Variants in ZSWIM2 observed in about 807,000 individuals in gnomAD.
ZSWIM2 encodes zinc finger SWIM-type containing 2.
A neutral mutation model predicts 48.4 loss-of-function variants in ZSWIM2; 38 were observed. That is an observed-to-expected ratio of 0.79 (90% CI 0.61 to 1.03). The LOEUF (loss-of-function observed/expected upper bound fraction) is 1.03, where lower values mean the gene tolerates loss of function less well. ZSWIM2 is among the 50% of genes least tolerant of loss of function. The pLI is 0.00. For missense variants in ZSWIM2, 776 were observed against 730.2 expected, an observed-to-expected ratio of 1.06 and a Z score of -0.72; for synonymous variants, 240 against 251.3, an observed-to-expected ratio of 0.96 and a Z score of 0.42.
At chr2:186,833,061 T>C (rs1457978372) in intron 7 of ZSWIM2, 59 bp downstream of exon 7, 1 of 711,258 alleles carries the variant, frequency 1.4e-6, no homozygotes, top group Non-Finnish European at 2.2e-6. Context: ...TTATTCAAAT[T>C]GAGAAGTTAT....
At chr2:186,840,047 C>T (rs1691876486) in intron 3 of ZSWIM2, among the ~76,000 whole-genome samples, 1 of 160 alleles carries the variant, frequency 6.3e-3, no homozygotes, top group South Asian at 0.5. Flanking sequence ...CTGGAAAGAC[C>T]CCCCCCAACT....
chr2:186,828,277 A>T lies in ZSWIM2; in HGVS notation c.1609T>A (p.Phe537Ile). 3 of 1,613,652 alleles carry T rather than the reference A, an allele frequency of 1.9e-6. No homozygotes were observed. Among genetic ancestry groups the T allele is most frequent in the Non-Finnish European group, 2.5e-6 (3 of 1,179,818 alleles). The change falls in exon 9 of 9, where the codon TTT (phenylalanine) becomes ATT (isoleucine). Residue 537 changes from phenylalanine to isoleucine, a missense_variant. By Grantham distance (21) the Phe-to-Ile change is conservative (BLOSUM62 0). Transcript: ENST00000295131. The stretch of plus-strand genomic sequence containing the variant: ...GTCATCCGGCTTAGACTAGTGTGAA[A>T]TTTTCCACTGATGCATGGACTTTCC... ...AMESPCISGK[F>I]HTSLSRMTKG...
At chr2:186,836,537 A>T (rs1290091265) in intron 5 of ZSWIM2, among the ~76,000 whole-genome samples, 1 of 152,054 alleles carries the variant, frequency 6.6e-6, no homozygotes, top group African/African-American at 2.4e-5. Flanking sequence ...ACAGAGTTTT[A>T]ATATATATAT....
chr2:186,848,943 G>A (rs752428058), intron 1 of ZSWIM2, 23 bp downstream of exon 1: 5 of 1,613,272 alleles, frequency 3.1e-6, no homozygotes, highest in Admixed American at 1.7e-5. Context: ...TGGCCAACTG[G>A]GGGCGGTAGG....
At chr2:186,840,972 C>T (rs1422161800) in intron 3 of ZSWIM2, among the ~76,000 whole-genome samples, 1 of 151,308 alleles carries the variant, frequency 6.6e-6, no homozygotes, top group Admixed American at 6.6e-5. Flanking sequence ...AAATAGTAAA[C>T]AAGGCAGTGG....
At chr2:186,833,269 C>A in intron 6 of ZSWIM2, 37 bp from the exon 7 acceptor site, 1 of 1,034,596 alleles carries the variant, frequency 9.7e-7, no homozygotes, top group Admixed American at 3.0e-5. Context: ...TTTGCAAAGT[C>A]GTGGATATTT....
At chr2:186,831,921 G>A (rs1476535784) in intron 7 of ZSWIM2, among the ~76,000 whole-genome samples, 1 of 151,948 alleles carries the variant, frequency 6.6e-6, no homozygotes, top group East Asian at 1.9e-4. Context: ...TATACCTAAT[G>A]CTAAATGACG....
chr2:186,841,197 T>C (rs1378932063), intron 3 of ZSWIM2, among the ~76,000 whole-genome samples: 1 of 151,528 alleles, frequency 6.6e-6, no homozygotes, highest in Non-Finnish European at 1.5e-5. Flanking sequence ...ATTTTCTTAT[T>C]TAACTTACCA....
chr2:186,846,242 G>C (rs1433925415), intron 2 of ZSWIM2, among the ~76,000 whole-genome samples: 1 of 151,900 alleles, frequency 6.6e-6, no homozygotes, highest in Non-Finnish European at 1.5e-5. Flanking sequence ...ATTTGACAAA[G>C]AGCTAACATC....
At chr2:186,842,917 C>G (rs1340039771) in intron 3 of ZSWIM2, among the ~76,000 whole-genome samples, 1 of 151,368 alleles carries the variant, frequency 6.6e-6, no homozygotes, top group Non-Finnish European at 1.5e-5. Context: ...ATATACAGAT[C>G]AAATATTTCC....
At chr2:186,839,950 G>A (rs1461171577) in intron 3 of ZSWIM2, among the ~76,000 whole-genome samples, 6 of 151,162 alleles carry the variant, frequency 4.0e-5, no homozygotes, top group East Asian at 3.9e-4. Flanking sequence ...AGTTGTTATC[G>A]GTCCCCTGCC....
chr2:186,842,842 T>G (rs1005986226), intron 3 of ZSWIM2, among the ~76,000 whole-genome samples: 1 of 151,452 alleles, frequency 6.6e-6, no homozygotes, highest in Non-Finnish European at 1.5e-5. Flanking sequence ...TACAGAAAAA[T>G]GTATAAGTAT....
Position 186,829,703 on chromosome 2 carries a change from A to G in ZSWIM2, c.1095+24T>C, listed in dbSNP as rs201481676. The G allele has an allele frequency of 3.4e-5, 55 of 1,598,302 alleles. No individual in the cohort carries two copies. The Admixed American group carries it at 4.2e-4, about 12-fold the overall frequency. On this transcript the variant is annotated intron_variant, in intron 8 of 8. Coordinates refer to ENST00000295131, the MANE Select transcript of ZSWIM2 (RefSeq NM_182521.3). The stretch of plus-strand genomic sequence containing the variant: ...GAAAACTGACCCTACAGGGAAAGTA[A>G]AACTAAAATGATGTGACTTTTACCT...
intron 3 of ZSWIM2, among the ~76,000 whole-genome samples, chr2:186,842,132 T>C (rs1691914649): frequency 4.0e-5 from 6 of 151,296 alleles, no homozygotes. Context: ...AGATTCCTTT[T>C]AGAAAAGAAT....
chr2:186,828,603 C>T lies in ZSWIM2; in HGVS notation c.1283G>A (p.Gly428Asp). The T allele has an allele frequency of 1.9e-6, 3 of 1,612,554 alleles. No homozygotes were observed. The South Asian group carries it at 3.3e-5, about 18-fold the overall frequency. The change falls in exon 9 of 9, where the codon GGT becomes GAT. Residue 428 changes from glycine to aspartate, a missense_variant. Gly to Asp is a moderately conservative substitution (Grantham distance 94). Transcript: ENST00000295131. ...KQKEPDLFIP[G>D]TGLVLKQNRL... ...ATTTTGTTTTAAGACTAATCCAGTA[C>T]CAGGAATAAAAAGATCTGGTTCTTT...
In ZSWIM2 at chr2:186,827,937, CA is replaced by C. The variant is rs1289418663; in HGVS notation, c.*46del. Reference sequence around the variant, plus strand: ...TGTGCTTTTTATGTTCTATATAAAACATTTTTTTATATTCAACATTCAAATA... The same window carrying C: ...TGTGCTTTTTATGTTCTATATAAAACTTTTTTTATATTCAACATTCAAATA... On this transcript the variant is annotated 3_prime_UTR_variant, in exon 9 of 9. Coordinates refer to ENST00000295131, the MANE Select transcript of ZSWIM2 (RefSeq NM_182521.3). 5.0e-6 allele frequency: 7 copies of C among 1,405,114 alleles called. No individual in the cohort carries two copies. The highest frequency in any genetic ancestry group is 1.5e-5 in the African/African-American group (1 of 68,552). The allele number at this position is 1,405,114 out of a possible 1,614,324, so 87.0% of individuals were successfully genotyped here.
At chr2:186,829,913 A>G (rs781261170) in intron 7 of ZSWIM2, 33 bp from the exon 8 acceptor site, 1 of 1,610,788 alleles carries the variant, frequency 6.2e-7, no homozygotes, top group Non-Finnish European at 8.5e-7. Context: ...ATGAGTGTTT[A>G]CATGTTATTA....
intron 1 of ZSWIM2, 41 bp from the exon 2 acceptor site, chr2:186,847,836 T>C: frequency 6.7e-7 from 1 of 1,495,342 alleles, no homozygotes; most frequent in Non-Finnish European, 9.2e-7. Context: ...CCAGTAAAAT[T>C]TGAGAGTTAG....
intron 5 of ZSWIM2, among the ~76,000 whole-genome samples, chr2:186,835,552 C>T (rs2105818007): frequency 6.6e-6 from 1 of 152,242 alleles, no homozygotes; most frequent in Non-Finnish European, 1.5e-5. Context: ...TTATTCAATA[C>T]ATCAAAGTAT....
Sources: gnomAD v4.1 joint callset for allele counts (sites outside exome capture counted in the v4.1 genomes callset) on GRCh38, gnomAD v4.1.1 for gene constraint, MANE v1.5 for transcripts, NCBI Gene and HGNC (gene_info 2026-07-23, HGNC 2026-07-21) for gene names.